Variants in KIF26B observed in about 807,000 individuals in gnomAD.
The protein encoded by KIF26B is kinesin-like protein KIF26B.
KIF26B carries 63 observed loss-of-function variants against 151.2 expected under a neutral mutation model. The observed-to-expected ratio is 0.42, with a 90% confidence interval of 0.34 to 0.51. The LOEUF (loss-of-function observed/expected upper bound fraction) is 0.51, where lower values mean the gene tolerates loss of function less well. KIF26B is among the 20% of genes least tolerant of loss of function. The pLI is 0.07. For synonymous variants in KIF26B, 1,357 were observed against 1,262.1 expected, an observed-to-expected ratio of 1.08 and a Z score of -1.59; for missense variants, 2,813 against 2,913.6, an observed-to-expected ratio of 0.97 and a Z score of 0.79.
chr1:245,450,773 G>T (rs1040734606), intron 4 of KIF26B, among the ~76,000 whole-genome samples: 1 of 152,138 alleles, frequency 6.6e-6, no homozygotes, highest in Non-Finnish European at 1.5e-5. Flanking sequence ...TCTGGTGGTG[G>T]GGGGAAGGGG....
rs2044499313 is a variant in KIF26B, at chr1:245,685,520, C to T, written c.2537C>T (p.Ala846Val). The T allele has an allele frequency of 3.7e-6, 6 of 1,613,760 alleles. No individual in the cohort carries two copies. The highest frequency in any genetic ancestry group is 5.1e-6 in the Non-Finnish European group (6 of 1,179,794). ...ACGGTGGACCCTGACTTCCCCATCGCTCACCTGTCCAGCGACCCCGACTAC... is the reference window on the plus strand; with the variant it reads ...ACGGTGGACCCTGACTTCCCCATCGTTCACCTGTCCAGCGACCCCGACTAC... The part of the protein sequence containing the change: ...RATVDPDFPI[A>V]HLSSDPDYSS... The change falls in exon 12 of 15, where the codon GCT becomes GTT. Residue 846 changes from alanine to valine, a missense_variant. By Grantham distance (64) the Ala-to-Val change is moderately conservative. This residue lies in a region of KIF26B where 2,060 missense variants were observed against 2,088.6 expected (regional missense o/e 0.99). Transcript: ENST00000407071.
intron 10 of KIF26B, among the ~76,000 whole-genome samples, chr1:245,661,759 A>G (rs926364566): frequency 6.9e-6 from 1 of 144,452 alleles, no homozygotes; most frequent in Admixed American, 7.1e-5. Flanking sequence ...CACACACCCT[A>G]TATGTATACA....
Position 245,702,611 on chromosome 1 carries a change from G to A in KIF26B, c.*5G>A, listed in dbSNP as rs2044788063. On this transcript the variant is annotated 3_prime_UTR_variant, in exon 15 of 15. Coordinates refer to ENST00000407071, the MANE Select transcript of KIF26B (RefSeq NM_018012.4). The surrounding 1 kb of genome is among the most constrained non-coding windows in gnomAD (Gnocchi z 4.1). ...ATCACCTCCAGGCGCCGGTAGATGAGCCAGACCCTTGTCCTAGTGGTCCCC... is the reference window on the plus strand; with the variant it reads ...ATCACCTCCAGGCGCCGGTAGATGAACCAGACCCTTGTCCTAGTGGTCCCC... The A allele has an allele frequency of 1.2e-6, 2 of 1,613,132 alleles. No individual in the cohort carries two copies. Among genetic ancestry groups the A allele is most frequent in the East Asian group, 4.5e-5 (2 of 44,860 alleles).
At position 245,687,189 on chromosome 1, in the gene KIF26B, G is replaced by A. The variant is rs768617464; in HGVS notation, c.4206G>A (p.Arg1402=). The A allele has an allele frequency of 1.2e-6, 2 of 1,612,910 alleles. No homozygotes were observed. The highest frequency in any genetic ancestry group is 1.7e-6 in the Non-Finnish European group (2 of 1,179,686). Residue 1402 remains arginine, a synonymous_variant, in exon 12 of 15, where the codon CGG becomes CGA. Coordinates refer to ENST00000407071, the MANE Select transcript of KIF26B (RefSeq NM_018012.4). This position sits in a 1 kb window ranked among gnomAD's most constrained non-coding sequence, Gnocchi z 4.9. Reference sequence around the variant, plus strand: ...ACCCCTGCATTGCCATGAGCCCCCGGAACATCCAAGAGCCGGAGGCCCCCA... The same window carrying A: ...ACCCCTGCATTGCCATGAGCCCCCGAAACATCCAAGAGCCGGAGGCCCCCA... ...TVYPCIAMSP[R]NIQEPEAPTA...
chr1:245,325,295 CA>C (rs1348362282), intron 2 of KIF26B, among the ~76,000 whole-genome samples: 1 of 152,128 alleles, frequency 6.6e-6, no homozygotes, highest in Non-Finnish European at 1.5e-5. Context: ...CATGTAGTTG[CA>C]CCTGCTATGT....
At chr1:245,251,129 T>A (rs921059597) in intron 2 of KIF26B, among the ~76,000 whole-genome samples, 1 of 152,170 alleles carries the variant, frequency 6.6e-6, no homozygotes, top group Non-Finnish European at 1.5e-5. Context: ...ACCAAGGTTT[T>A]TGTTGGGGGC....
At chr1:245,625,771 T>C (rs2043717001) in intron 9 of KIF26B, among the ~76,000 whole-genome samples, 1 of 146,134 alleles carries the variant, frequency 6.8e-6, no homozygotes, top group African/African-American at 2.5e-5. Flanking sequence ...TTTATCCCCC[T>C]CCCCCGGCAC....
At chr1:245,252,930 T>G (rs1177614229) in intron 2 of KIF26B, among the ~76,000 whole-genome samples, 2 of 152,116 alleles carry the variant, frequency 1.3e-5, no homozygotes, top group African/African-American at 2.4e-5. Context: ...TTTGCTAATA[T>G]TTTTTAAATT....
At chr1:245,344,809 G>T (rs943372403) in intron 2 of KIF26B, among the ~76,000 whole-genome samples, 1 of 152,048 alleles carries the variant, frequency 6.6e-6, no homozygotes, top group Non-Finnish European at 1.5e-5. Flanking sequence ...GTGGTATCAG[G>T]CTGGACGTAT....
Position 245,687,303 on chromosome 1 carries a change from G to A in KIF26B, c.4320G>A (p.Pro1440=), listed in dbSNP as rs775806023. The change falls in exon 12 of 15, where the codon CCG becomes CCA. Residue 1440 remains proline, a synonymous_variant. Coordinates refer to ENST00000407071, the MANE Select transcript of KIF26B (RefSeq NM_018012.4). This position sits in a 1 kb window ranked among gnomAD's most constrained non-coding sequence, Gnocchi z 4.9. ...SAKKEMKFED[P]WLKREEEVKK... ...AGAAAGAGATGAAATTTGAGGACCCGTGGCTGAAACGAGAAGAGGAAGTGA... is the reference window on the plus strand; with the variant it reads ...AGAAAGAGATGAAATTTGAGGACCCATGGCTGAAACGAGAAGAGGAAGTGA... 1.0e-5 allele frequency: 16 copies of A among 1,606,274 alleles called. No homozygotes were observed. The highest frequency in any genetic ancestry group is 1.6e-4 in the Middle Eastern group (1 of 6,078).
chr1:245,330,828 A>AGAGTCGGGGGAGAGGCGGGGG (rs1672094037), intron 2 of KIF26B, among the ~76,000 whole-genome samples: 2 of 37,550 alleles, frequency 5.3e-5, no homozygotes, highest in African/African-American at 3.6e-4. Context: ...AGAGTCGGGG[A>AGAGTCGGGGGAGAGGCGGGGG]GGGAGTGGGG....
intron 3 of KIF26B, chr1:245,371,416 C>T (rs1423618189): frequency 2.6e-5 from 4 of 152,270 alleles, no homozygotes; most frequent in Non-Finnish European, 5.9e-5. Flanking sequence ...CTTCCCTCCC[C>T]ACAGAGCAGA....
intron 10 of KIF26B, among the ~76,000 whole-genome samples, chr1:245,647,241 C>A (rs369584093): frequency 6.6e-6 from 1 of 151,806 alleles, no homozygotes; most frequent in South Asian, 2.1e-4. Flanking sequence ...CTGGCTAACA[C>A]GGTGAAACCC....
intron 10 of KIF26B, among the ~76,000 whole-genome samples, chr1:245,662,487 A>G (rs199521551): frequency 6.6e-5 from 1 of 15,142 alleles, no homozygotes; most frequent in Non-Finnish European, 1.6e-4. Flanking sequence ...CACACACCCA[A>G]TATATATATA....
At chr1:245,431,952 A>G (rs771082593) in intron 4 of KIF26B, among the ~76,000 whole-genome samples, 3 of 151,674 alleles carry the variant, frequency 2.0e-5, no homozygotes, top group Non-Finnish European at 4.4e-5. Context: ...AGGCATATTG[A>G]CCTCCTTGCT....
At chr1:245,554,356 C>T (rs1771500) in intron 5 of KIF26B, among the ~76,000 whole-genome samples, 61,599 of 152,026 alleles carry the variant, frequency 0.41, 12,635 homozygotes, top group African/African-American at 0.43. Flanking sequence ...TAGCACAGTC[C>T]TTATATGACT....
intron 3 of KIF26B, among the ~76,000 whole-genome samples, chr1:245,393,451 G>T (rs867435571): frequency 1.3e-5 from 2 of 151,816 alleles, no homozygotes; most frequent in Non-Finnish European, 2.9e-5. Context: ...TTCTCCTTCC[G>T]CAAAGATGGC....
At position 245,155,324 on chromosome 1, in the gene KIF26B, G is replaced by A. The variant is rs1668407817; in HGVS notation, c.-101G>A. 1.0e-6 allele frequency: 1 copy of A among 973,700 alleles called. No homozygotes were observed. The allele number at this position is 973,700 out of a possible 1,614,324, so 60.3% of individuals were successfully genotyped here. On this transcript the variant is annotated 5_prime_UTR_variant, in exon 1 of 15. Transcript: ENST00000407071. ...CTGAAGAAACCTTGCCCTGAGGGCT[G>A]AGAGCCAGCCCCCTGCAGCCGGGGG...
chr1:245,332,758 C>T (rs943845054), intron 2 of KIF26B, among the ~76,000 whole-genome samples: 1 of 152,186 alleles, frequency 6.6e-6, no homozygotes, highest in Non-Finnish European at 1.5e-5. Context: ...ACCTGGCTTC[C>T]GTTCATGGCT....
Sources: gnomAD v4.1 joint callset for allele counts (sites outside exome capture counted in the v4.1 genomes callset) on GRCh38, gnomAD v4.1.1 for gene constraint, gnomAD v4.1.1 regional missense constraint, Gnocchi (gnomAD v3.1) non-coding constraint, MANE v1.5 for transcripts, NCBI Gene and HGNC (gene_info 2026-07-23, HGNC 2026-07-21) for gene names.